Variants in SEPTIN10 observed in about 807,000 individuals in gnomAD.
SEPTIN10 encodes septin 10.
In SEPTIN10, 66 loss-of-function variants were observed where a neutral mutation model predicts 54.8. The observed-to-expected ratio is 1.21, with a 90% CI of 0.99 to 1.48. SEPTIN10 has a LOEUF of 1.48. SEPTIN10 is among the 40% of genes most tolerant of loss of function. SEPTIN10 has a pLI of 0.00. For synonymous variants in SEPTIN10, 161 were observed against 181.0 expected (o/e 0.89, Z 0.89); for missense variants, 620 against 545.6 (o/e 1.14, Z -1.36).
intron 1 of SEPTIN10, among the ~76,000 whole-genome samples, chr2:109,601,039 ATG>A (rs951330263): frequency 9.8e-5 from 15 of 152,310 alleles, no homozygotes; most frequent in Admixed American, 7.8e-4. Flanking sequence ...GTAAGCCTCC[ATG>A]TGTTTGGCCA....
intron 1 of SEPTIN10, among the ~76,000 whole-genome samples, chr2:109,612,893 C>G (rs1199004548): frequency 6.6e-6 from 1 of 152,232 alleles, no homozygotes; most frequent in Non-Finnish European, 1.5e-5. Context: ...CCTCTAATCT[C>G]TCAGCCTGCA....
intron 1 of SEPTIN10, among the ~76,000 whole-genome samples, chr2:109,609,303 C>T (rs1469737218): frequency 6.6e-6 from 1 of 151,684 alleles, no homozygotes; most frequent in African/African-American, 2.4e-5. Context: ...TGCCTGTCCT[C>T]AAAGATATAT....
chr2:109,598,420 G>GT (rs1367023514), intron 1 of SEPTIN10, among the ~76,000 whole-genome samples: 17 of 152,058 alleles, frequency 1.1e-4, no homozygotes, highest in Admixed American at 1.1e-3. Flanking sequence ...TTATTATAAA[G>GT]TTAGTCCAAA....
intron 5 of SEPTIN10, among the ~76,000 whole-genome samples, chr2:109,571,400 C>A (rs113236593): frequency 6.6e-6 from 1 of 152,254 alleles, no homozygotes; most frequent in Non-Finnish European, 1.5e-5. Flanking sequence ...CTATGACACA[C>A]CTAGGCTGTA....
At chr2:109,592,929 G>A (rs573275653) in intron 2 of SEPTIN10, 122 bp downstream of exon 2, 10 of 509,516 alleles carry the variant, frequency 2.0e-5, no homozygotes, top group East Asian at 6.4e-5. Flanking sequence ...ATTAATTCAC[G>A]TTGGAGGTAA....
At chr2:109,582,075 GACACACACAC>G (rs55880328) in intron 4 of SEPTIN10, among the ~76,000 whole-genome samples, 15,236 of 143,706 alleles carry the variant, frequency 0.11, 873 homozygotes, top group African/African-American at 0.17. Context: ...ATGTACAACA[GACACACACAC>G]ACACACACAC....
At chr2:109,611,565 C>T (rs1045694325) in intron 1 of SEPTIN10, among the ~76,000 whole-genome samples, 2 of 151,390 alleles carry the variant, frequency 1.3e-5, no homozygotes, top group African/African-American at 4.9e-5. Context: ...TGAGACCAGC[C>T]TGGGCAACAT....
At chr2:109,590,527 G>A (rs1693807294) in intron 2 of SEPTIN10, among the ~76,000 whole-genome samples, 1 of 152,004 alleles carries the variant, frequency 6.6e-6, no homozygotes, top group South Asian at 2.1e-4. Flanking sequence ...TGCCTCCTGG[G>A]TTCAAATGAT....
intron 1 of SEPTIN10, 61 bp from the exon 2 acceptor site, chr2:109,593,180 T>G: frequency 9.2e-7 from 1 of 1,089,822 alleles, no homozygotes; most frequent in Admixed American, 2.3e-5. Context: ...AACCCCATTA[T>G]CTGAATAATA....
At chr2:109,593,924 T>C (rs978320854) in intron 1 of SEPTIN10, among the ~76,000 whole-genome samples, 2 of 152,234 alleles carry the variant, frequency 1.3e-5, no homozygotes, top group Admixed American at 1.3e-4. Context: ...TCATTAAGTT[T>C]ATTTTCTTAT....
chr2:109,578,196 A>G (rs1466211209), intron 4 of SEPTIN10, among the ~76,000 whole-genome samples: 3 of 152,180 alleles, frequency 2.0e-5, no homozygotes, highest in African/African-American at 7.2e-5. Context: ...TATGTCGGTA[A>G]TTACATTAAT....
In SEPTIN10 at chr2:109,564,366, C is replaced by G; in HGVS notation, c.1028G>C (p.Ser343Thr). The G allele has an allele frequency of 6.4e-7, 1 of 1,551,010 alleles. No individual in the cohort carries two copies. The highest frequency in any genetic ancestry group is 8.7e-7 in the Non-Finnish European group (1 of 1,145,076). ...TDVGPENKPV[S>T]VQETYEAKRH... ...TGGCTTCCCAAGAACCCCACCCTAC[C>G]TGACTGGCTTGTTTTCTGGGCCCAC... Residue 343 changes from serine (S) to threonine (T), a missense_variant and splice_region_variant, in exon 8 of 11, where the codon AGT becomes ACT. Ser to Thr is a moderately conservative substitution (Grantham distance 58, BLOSUM62 1). Transcript: ENST00000397712.
chr2:109,609,720 G>A (rs140727533), intron 1 of SEPTIN10, among the ~76,000 whole-genome samples: 9 of 151,900 alleles, frequency 5.9e-5, no homozygotes, highest in Non-Finnish European at 8.8e-5. Flanking sequence ...TATCCTCACT[G>A]AAGAAAAACT....
rs751403307 is a variant in SEPTIN10, at chr2:109,571,275, G to C, written c.601-3299C>G. ...GTCTCAGATAGTTCTTTATAGCAAT[G>C]CGAGAACGGACTAATAAACATGGTG... On this transcript the variant is annotated intron_variant, in intron 5 of 10. Coordinates refer to ENST00000397712, the MANE Select transcript of SEPTIN10 (RefSeq NM_144710.5). 5.9e-5 allele frequency among the ~76,000 whole-genome samples: 9 copies of C among 152,280 alleles called. No homozygotes were observed. In the South Asian group the frequency reaches 1.2e-3, roughly 21 times the overall value.
In SEPTIN10 at chr2:109,585,235, T is replaced by G; in HGVS notation, c.304A>C (p.Asn102His). 6.2e-7 allele frequency: 1 copy of G among 1,613,064 alleles called. No homozygotes were observed. The highest frequency in any genetic ancestry group is 8.5e-7 in the Non-Finnish European group (1 of 1,179,434). ...EDYESSHFCP[N>H]VKLKAQTYEL... ...TATGTCTGAGCTTTAAGTTTAACATTTGGGCAAAAATGTGAGGATTCATAG... is the reference window on the plus strand; with the variant it reads ...TATGTCTGAGCTTTAAGTTTAACATGTGGGCAAAAATGTGAGGATTCATAG... The change falls in exon 4 of 11, where the codon AAT becomes CAT. Residue 102 changes from asparagine to histidine, a missense_variant. Transcript: ENST00000397712.
At position 109,613,896 on chromosome 2, in the gene SEPTIN10, C is replaced by CG. The variant is rs1699875007; in HGVS notation, c.-70dup. On this transcript the variant is annotated 5_prime_UTR_variant, in exon 1 of 11. Transcript: ENST00000397712. ...CCCGAGCGGCTGGTCCCGGCGACGG[C>CG]GGCGGGAAGGCCGGAGGGCAGAAGC... 3 of 1,196,770 alleles carry CG rather than the reference C, an allele frequency of 2.5e-6. No individual in the cohort carries two copies. In the East Asian group the frequency reaches 1.0e-4, roughly 42 times the overall value. 74.1% of individuals were successfully genotyped at this position (1,196,770 alleles called of 1,614,324 possible).
chr2:109,553,853 C>CA (rs796185454), intron 8 of SEPTIN10, among the ~76,000 whole-genome samples: 261 of 105,388 alleles, frequency 2.5e-3, no homozygotes, highest in Admixed American at 5.5e-3. Flanking sequence ...GACTCTGTCT[C>CA]AAAAAAAAAA....
chr2:109,611,111 T>G (rs142914890), intron 1 of SEPTIN10, among the ~76,000 whole-genome samples: 4 of 152,340 alleles, frequency 2.6e-5, no homozygotes, highest in African/African-American at 7.2e-5. Flanking sequence ...CAACAAATGG[T>G]GCTGGAGCAA....
At chr2:109,581,040 G>A (rs754026215) in intron 4 of SEPTIN10, among the ~76,000 whole-genome samples, 22 of 152,374 alleles carry the variant, frequency 1.4e-4, no homozygotes, top group Middle Eastern at 3.4e-3. Context: ...GCATATGCAG[G>A]ACAGCAAAAT....
Sources: allele counts gnomAD v4.1 joint callset (sites outside exome capture counted in the v4.1 genomes callset), GRCh38; gene constraint gnomAD v4.1.1; transcripts MANE v1.5; gene names NCBI Gene and HGNC (gene_info 2026-07-23, HGNC 2026-07-21).